Variants in TMEM266 observed in about 807,000 individuals in gnomAD.
TMEM266 encodes the protein transmembrane protein 266.
A neutral mutation model predicts 50.5 loss-of-function variants in TMEM266; 33 were observed. The ratio of observed to expected loss-of-function variants is 0.65; its 90% confidence interval spans 0.50 to 0.87. The LOEUF (loss-of-function observed/expected upper bound fraction) is 0.87. Among genes scored for constraint, TMEM266 ranks in the 40% least tolerant of loss-of-function variants. The probability of loss-of-function intolerance (pLI) is 0.00; values close to 1 mark genes in which losing one functional copy is unlikely to be tolerated. For synonymous variants in TMEM266, 310 were observed against 292.3 expected, an observed-to-expected ratio of 1.06 and a Z score of -0.62; for missense variants, 655 against 695.1, an observed-to-expected ratio of 0.94 and a Z score of 0.65.
chr15:76,140,988 G>T (rs1298230383), intron 3 of TMEM266, among the ~76,000 whole-genome samples: 2 of 152,094 alleles, frequency 1.3e-5, no homozygotes, highest in Non-Finnish European at 2.9e-5. Flanking sequence ...AGTGAGCTAT[G>T]ATTGCTCCAT....
At chr15:76,060,840 A>G (rs1397561171) in intron 1 of TMEM266, among the ~76,000 whole-genome samples, 2 of 152,156 alleles carry the variant, frequency 1.3e-5, no homozygotes, top group Non-Finnish European at 2.9e-5. Flanking sequence ...ACAGTCACCA[A>G]TACTGAGCTA....
chr15:76,064,502 A>T (rs1375780224), intron 1 of TMEM266, among the ~76,000 whole-genome samples: 2 of 152,196 alleles, frequency 1.3e-5, no homozygotes, highest in Non-Finnish European at 2.9e-5. Context: ...CTACACTGGG[A>T]TGCTAAAGGG....
At chr15:76,079,780 A>AC (rs2036659473) in intron 1 of TMEM266, among the ~76,000 whole-genome samples, 1 of 150,784 alleles carries the variant, frequency 6.6e-6, no homozygotes, top group African/African-American at 2.4e-5. Context: ...TCAAAAAAAA[A>AC]AAAAAAAAAA....
chr15:76,185,241 A>G (rs1160394081), intron 8 of TMEM266, among the ~76,000 whole-genome samples: 2 of 152,074 alleles, frequency 1.3e-5, no homozygotes, highest in African/African-American at 2.4e-5. Flanking sequence ...TTGGAGCTCC[A>G]GTTGTACCTG....
Position 76,148,924 on chromosome 15 carries a change from T to A in TMEM266, c.228-7680T>A, listed in dbSNP as rs540125425. Among the ~76,000 whole-genome samples the A allele has an allele frequency of 2.0e-5, 3 of 152,264 alleles. No individual in the cohort carries two copies. The South Asian group carries it at 6.2e-4, about 32-fold the overall frequency. The stretch of plus-strand genomic sequence containing the variant: ...CTGATTGCAGAACTGAAGCTGCCGG[T>A]ATGGAAACTTCAATTTATTTAGTTA... On this transcript the variant is annotated intron_variant, in intron 3 of 10. Coordinates refer to ENST00000388942, the MANE Select transcript of TMEM266 (RefSeq NM_152335.3).
intron 1 of TMEM266, among the ~76,000 whole-genome samples, chr15:76,063,826 C>T (rs1016852730): frequency 6.6e-6 from 1 of 152,146 alleles, no homozygotes; most frequent in Non-Finnish European, 1.5e-5. Context: ...CCTTACTGTT[C>T]TCTGTAGTGA....
intron 1 of TMEM266, among the ~76,000 whole-genome samples, chr15:76,078,834 C>G (rs577818984): frequency 5.3e-4 from 80 of 152,340 alleles, no homozygotes; most frequent in Non-Finnish European, 1.0e-3. Flanking sequence ...TCTCACAGTT[C>G]TGGAGGACAG....
intron 1 of TMEM266, among the ~76,000 whole-genome samples, chr15:76,082,525 C>T (rs2036710575): frequency 6.6e-6 from 1 of 152,152 alleles, no homozygotes; most frequent in Non-Finnish European, 1.5e-5. Flanking sequence ...CACAGAATTG[C>T]AGCAATTAAC....
intron 3 of TMEM266, among the ~76,000 whole-genome samples, chr15:76,148,576 C>T (rs1315478451): frequency 6.6e-6 from 1 of 152,184 alleles, no homozygotes; most frequent in Non-Finnish European, 1.5e-5. Context: ...CAAGTGGCTC[C>T]TGAGCACAGC....
intron 8 of TMEM266, among the ~76,000 whole-genome samples, chr15:76,184,803 A>G (rs985381920): frequency 6.6e-6 from 1 of 152,180 alleles, no homozygotes; most frequent in African/African-American, 2.4e-5. Context: ...CACTCCAGTA[A>G]TGCATACTGC....
chr15:76,120,237 G>A (rs565196551), intron 1 of TMEM266, among the ~76,000 whole-genome samples: 2 of 151,258 alleles, frequency 1.3e-5, no homozygotes, highest in South Asian at 2.1e-4. Context: ...AAAAGAAACC[G>A]TATCAATGGG....
chr15:76,152,878 G>A (rs577792733), intron 3 of TMEM266, among the ~76,000 whole-genome samples: 1 of 152,208 alleles, frequency 6.6e-6, no homozygotes, highest in South Asian at 2.1e-4. Flanking sequence ...AGGGATTTTC[G>A]CCTCTCTTGA....
At chr15:76,192,299 C>T (rs2038589590) in intron 9 of TMEM266, 142 bp downstream of exon 9, 2 of 781,770 alleles carry the variant, frequency 2.6e-6, no homozygotes, top group Non-Finnish European at 3.7e-6. Flanking sequence ...TTGGGGGACA[C>T]GCTCAGATCA....
intron 8 of TMEM266, among the ~76,000 whole-genome samples, chr15:76,185,012 A>G (rs1283935774): frequency 6.6e-6 from 1 of 152,056 alleles, no homozygotes; most frequent in African/African-American, 2.4e-5. Flanking sequence ...TTCCTAAGGC[A>G]CAGGCCCGTG....
intron 9 of TMEM266, among the ~76,000 whole-genome samples, chr15:76,198,421 C>G (rs1048074633): frequency 2.6e-5 from 4 of 152,186 alleles, no homozygotes; most frequent in Admixed American, 2.6e-4. Context: ...GTGGGCAGCC[C>G]TGTGTGAGGC....
At chr15:76,078,816 A>T (rs973793651) in intron 1 of TMEM266, among the ~76,000 whole-genome samples, 26 of 152,180 alleles carry the variant, frequency 1.7e-4, no homozygotes, top group Non-Finnish European at 3.2e-4. Context: ...AACAATGGAA[A>T]TTTATTCTCT....
At chr15:76,111,648 T>G (rs1327773551) in intron 1 of TMEM266, among the ~76,000 whole-genome samples, 1 of 150,694 alleles carries the variant, frequency 6.6e-6, no homozygotes, top group Non-Finnish European at 1.5e-5. Context: ...CCTCAGGTGA[T>G]CCACCCGCCT....
Position 76,139,050 on chromosome 15 carries a change from TTC to T in TMEM266, c.227+1157_227+1158del, listed in dbSNP as rs1246167527. Among the ~76,000 whole-genome samples, 2 of 152,168 alleles carry T rather than the reference TTC, an allele frequency of 1.3e-5. No individual in the cohort carries two copies. Among genetic ancestry groups the T allele is most frequent in the East Asian group, 3.8e-4 (2 of 5,196 alleles). ...ACCCTGGCAGGACCTTAGGAGCCAG[TTC>T]TGGACTTTTCTTTCCTGGGTGCCAG... On this transcript the variant is annotated intron_variant, in intron 3 of 10. Coordinates refer to ENST00000388942, the MANE Select transcript of TMEM266 (RefSeq NM_152335.3). This position sits in a 1 kb window ranked among gnomAD's most constrained non-coding sequence, Gnocchi z 4.1.
At chr15:76,170,471 T>C (rs2038170345) in intron 6 of TMEM266, among the ~76,000 whole-genome samples, 1 of 152,246 alleles carries the variant, frequency 6.6e-6, no homozygotes, top group Non-Finnish European at 1.5e-5. Context: ...ACGGCCAGGC[T>C]GGGGCAGGCG....
Sources: allele counts gnomAD v4.1 joint callset (sites outside exome capture counted in the v4.1 genomes callset), GRCh38; gene constraint gnomAD v4.1.1; non-coding constraint Gnocchi (gnomAD v3.1); transcripts MANE v1.5; gene names NCBI Gene and HGNC (gene_info 2026-07-23, HGNC 2026-07-21).